Variants in LRPPRC observed in about 807,000 individuals in gnomAD.
The protein encoded by LRPPRC is leucine rich pentatricopeptide repeat containing, also known as leucine-rich PPR motif-containing protein, mitochondrial.
A neutral mutation model predicts 180.3 loss-of-function variants in LRPPRC; 120 were observed. That is an observed-to-expected ratio of 0.67 (90% CI 0.57 to 0.77). The LOEUF is 0.77. Ranked by LOEUF, LRPPRC falls within the 30% of genes least tolerant of loss-of-function variation. The pLI, the probability that LRPPRC is intolerant of heterozygous loss-of-function variation, is 0.00. For missense variants in LRPPRC, 2,012 were observed against 1,657.2 expected, an observed-to-expected ratio of 1.21 and a Z score of -3.72; for synonymous variants, 723 against 600.0, an observed-to-expected ratio of 1.21 and a Z score of -3.00.
chr2:43,927,121 T>C (rs1276572493), intron 25 of LRPPRC, among the ~76,000 whole-genome samples: 1 of 152,216 alleles, frequency 6.6e-6, no homozygotes, highest in East Asian at 1.9e-4. Context: ...GCTTCACCAT[T>C]AAATACTACA....
rs767101196 is a variant in LRPPRC, at chr2:43,982,390, T to C, written c.194A>G (p.Glu65Gly). The change falls in exon 2 of 38, where the codon GAA becomes GGA. Residue 65 changes from glutamate to glycine, a missense_variant. Coordinates refer to ENST00000260665, the MANE Select transcript of LRPPRC (RefSeq NM_133259.4). ...AGTGGACTCCTCTTGAATATCTTTT[T>C]CTTTGGCAGCAATGGCATACAGCCT... Reference protein sequence around the residue: ...PARLYAIAAKEKDIQEESTFS... With the variant: ...PARLYAIAAKGKDIQEESTFS... The C allele has an allele frequency of 3.7e-6, 6 of 1,614,130 alleles. No homozygotes were observed. The South Asian group carries it at 6.6e-5, about 18-fold the overall frequency.
At chr2:43,889,919 C>T (rs771983186) in intron 36 of LRPPRC, 43 bp from the exon 37 acceptor site, 10 of 1,464,362 alleles carry the variant, frequency 6.8e-6, no homozygotes, top group African/African-American at 4.2e-5. Context: ...ATAAAGACAA[C>T]CTATCTTACT....
intron 1 of LRPPRC, among the ~76,000 whole-genome samples, chr2:43,989,258 G>A (rs1313418296): frequency 6.6e-6 from 1 of 152,174 alleles, no homozygotes; most frequent in African/African-American, 2.4e-5. Flanking sequence ...CCAGTTTTAT[G>A]CTTTATGGTA....
intron 12 of LRPPRC, among the ~76,000 whole-genome samples, chr2:43,961,235 A>C (rs1673334164): frequency 6.6e-6 from 1 of 152,360 alleles, no homozygotes; most frequent in East Asian, 1.9e-4. Flanking sequence ...CAAATGAAAA[A>C]AAGTTCATCA....
intron 22 of LRPPRC, among the ~76,000 whole-genome samples, chr2:43,944,121 T>C (rs951054145): frequency 6.6e-6 from 1 of 152,098 alleles, no homozygotes; most frequent in African/African-American, 2.4e-5. Flanking sequence ...ATAGGGACTA[T>C]GTGCCCACTC....
chr2:43,988,775 C>G (rs1674646095), intron 1 of LRPPRC, among the ~76,000 whole-genome samples: 1 of 151,984 alleles, frequency 6.6e-6, no homozygotes, highest in Admixed American at 6.6e-5. Context: ...GATCTCCTGA[C>G]CTCGTGATCC....
intron 32 of LRPPRC, among the ~76,000 whole-genome samples, chr2:43,901,041 GACA>G (rs1347256875): frequency 1.8e-4 from 27 of 152,216 alleles, no homozygotes; most frequent in African/African-American, 6.3e-4. Context: ...AAAGTGTTTC[GACA>G]ACAAGAGGCC....
intron 25 of LRPPRC, among the ~76,000 whole-genome samples, chr2:43,931,457 G>C (rs1422610763): frequency 6.6e-6 from 1 of 152,178 alleles, no homozygotes; most frequent in Non-Finnish European, 1.5e-5. Context: ...TCTAATAAGA[G>C]TTCTGAGAGG....
intron 23 of LRPPRC, among the ~76,000 whole-genome samples, chr2:43,943,116 A>C (rs1436196562): frequency 6.6e-6 from 1 of 152,086 alleles, no homozygotes; most frequent in Non-Finnish European, 1.5e-5. Context: ...TATTCATTAT[A>C]AAATAGACTG....
At position 43,917,875 on chromosome 2, in the gene LRPPRC, C is replaced by T. The variant is rs569891631; in HGVS notation, c.3148+150G>A. 27 of 623,024 alleles carry T rather than the reference C, an allele frequency of 4.3e-5. 1 individual carries two copies. Among genetic ancestry groups the T allele is most frequent in the South Asian group, 2.1e-4 (10 of 48,200 alleles). The allele number at this position is 623,024 out of a possible 1,614,324, so 38.6% of individuals were successfully genotyped here. On this transcript the variant is annotated intron_variant, in intron 29 of 37. Coordinates refer to ENST00000260665, the MANE Select transcript of LRPPRC (RefSeq NM_133259.4). ...TTTCCCAATTGCCCCAAAATGTTTT[C>T]GTTAAAGTATGGAAGGGGACAAGAA...
intron 1 of LRPPRC, among the ~76,000 whole-genome samples, chr2:43,987,677 A>G (rs547198345): frequency 6.6e-6 from 1 of 152,150 alleles, no homozygotes; most frequent in Admixed American, 6.5e-5. Context: ...CTCTTGATGA[A>G]CTCATGGATT....
In LRPPRC at chr2:43,886,487, A is replaced by G. The variant is rs1670275376; in HGVS notation, c.*2113T>C. The stretch of plus-strand genomic sequence containing the variant: ...ACAGTATAGTTATTATACTTTAAAT[A>G]TTTATATTCAATAGGGGAATCAATA... On this transcript the variant is annotated 3_prime_UTR_variant, in exon 38 of 38. Coordinates refer to ENST00000260665, the MANE Select transcript of LRPPRC (RefSeq NM_133259.4). 6.6e-6 allele frequency: 1 copy of G among 152,198 alleles called. No homozygotes were observed. Among genetic ancestry groups the G allele is most frequent in the Non-Finnish European group, 1.5e-5 (1 of 68,038 alleles). The allele number at this position is 152,198 out of a possible 1,614,324, so 9.4% of individuals were successfully genotyped here.
At chr2:43,991,006 T>G (rs959142747) in intron 1 of LRPPRC, among the ~76,000 whole-genome samples, 2 of 151,522 alleles carry the variant, frequency 1.3e-5, no homozygotes, top group African/African-American at 4.8e-5. Context: ...CCACCACGCC[T>G]GGCTAACTTA....
chr2:43,943,589 C>T (rs1672567709), intron 23 of LRPPRC, 98 bp downstream of exon 23: 7 of 1,000,286 alleles, frequency 7.0e-6, no homozygotes, highest in South Asian at 5.3e-5. Context: ...ACCTCCAAGG[C>T]TTCCCCATCA....
rs749824552 is a variant in LRPPRC at position 43,974,598 on chromosome 2, A to AT, written c.1009+15dup. On this transcript the variant is annotated intron_variant, in intron 8 of 37. Transcript: ENST00000260665. ...ATTTTTATAAAAATCATGTAAATAG[A>AT]TTTTTTTAAAACTACCTGGAATATA... 1.3e-5 allele frequency: 19 copies of AT among 1,505,738 alleles called. No homozygotes were observed. The highest frequency in any genetic ancestry group is 1.2e-4 in the South Asian group (10 of 86,840). The allele number at this position is 1,505,738 out of a possible 1,614,324, so 93.3% of individuals were successfully genotyped here. A position where few individuals can be genotyped will look rare whatever the true frequency, so the allele number is the denominator to read the frequency against.
intron 27 of LRPPRC, among the ~76,000 whole-genome samples, chr2:43,924,053 T>C (rs1671790602): frequency 6.6e-6 from 1 of 152,210 alleles, no homozygotes; most frequent in South Asian, 2.1e-4. Context: ...AAAACTGGAA[T>C]GTAAAATTTT....
At chr2:43,927,467 TAC>T (rs1020606173) in intron 25 of LRPPRC, among the ~76,000 whole-genome samples, 5 of 152,198 alleles carry the variant, frequency 3.3e-5, no homozygotes, top group East Asian at 1.9e-4. Flanking sequence ...GTCATTGAAA[TAC>T]AGTCTCAAAT....
intron 30 of LRPPRC, among the ~76,000 whole-genome samples, chr2:43,906,093 C>T (rs1671058938): frequency 6.6e-6 from 1 of 151,928 alleles, no homozygotes; most frequent in African/African-American, 2.4e-5. Flanking sequence ...GCGTGCCCCG[C>T]ATTGTTCTGC....
chr2:43,977,149 A>G lies in LRPPRC; in HGVS notation c.591+6T>C. 6.2e-7 allele frequency: 1 copy of G among 1,611,552 alleles called. No homozygotes were observed. Among genetic ancestry groups the G allele is most frequent in the South Asian group, 1.1e-5 (1 of 91,028 alleles). The stretch of plus-strand genomic sequence containing the variant: ...TGAAAATATATTCACAATAGCAACT[A>G]CTTACTCGATTTGGTTGAATGTTTG... On this transcript the variant is annotated splice_donor_region_variant and intron_variant, in intron 4 of 37. Transcript: ENST00000260665.
Sources: allele counts gnomAD v4.1 joint callset (sites outside exome capture counted in the v4.1 genomes callset), GRCh38; gene constraint gnomAD v4.1.1; transcripts MANE v1.5; gene names NCBI Gene and HGNC (gene_info 2026-07-23, HGNC 2026-07-21).